ZNF292: variants seen among roughly 807,000 people sequenced by gnomAD.
ZNF292 encodes 16 zinc-finger domain protein.
A neutral mutation model predicts 217.9 loss-of-function variants in ZNF292; 26 were observed. That is an observed-to-expected ratio of 0.12 (90% CI 0.09 to 0.17). The LOEUF is 0.17. Ranked by LOEUF, ZNF292 falls within the 10% of genes least tolerant of loss-of-function variation. The probability of loss-of-function intolerance (pLI) is 1.00; values close to 1 mark genes in which losing one functional copy is unlikely to be tolerated. For missense variants in ZNF292, 2,904 were observed against 3,175.2 expected (o/e 0.91, Z 2.05); for synonymous variants, 1,257 against 1,124.1 (o/e 1.12, Z -2.37).
At chr6:87,231,773 G>A (rs1451824269) in intron 4 of ZNF292, among the ~76,000 whole-genome samples, 1 of 152,264 alleles carries the variant, frequency 6.6e-6, no homozygotes, top group Middle Eastern at 3.4e-3. Context: ...TGATCTTTTA[G>A]AGTGTGTTGA....
intron 4 of ZNF292, chr6:87,222,663 G>T: frequency 5.8e-6 from 2 of 345,662 alleles, no homozygotes; most frequent in Non-Finnish European, 6.0e-6. Flanking sequence ...CATTAGTTTG[G>T]TACATTTGTC....
At chr6:87,162,539 T>C (rs1770782599) in intron 1 of ZNF292, among the ~76,000 whole-genome samples, 3 of 152,240 alleles carry the variant, frequency 2.0e-5, no homozygotes, top group Admixed American at 6.5e-5. Context: ...TTTAAACTTT[T>C]AGAAGTTTAG....
Position 87,255,148 on chromosome 6 carries a change from C to G in ZNF292, c.1519C>G (p.Leu507Val). The change falls in exon 8 of 8, where the codon CTT (leucine) becomes GTT (valine). Residue 507 changes from leucine to valine, a missense_variant. By Grantham distance (32) the Leu-to-Val change is conservative. Around this residue, in one of 15 missense-constraint regions of ZNF292, gnomAD observed 87 missense variants for 99.6 expected, o/e 0.87. Transcript: ENST00000369577. ...TGGTGGAGTTGGTGCTAATTCTGGC[C>G]TTCTTAAAGACATTGGTGATGAAAA... is the stretch of plus-strand genomic sequence containing the variant. ...LSGGVGANSG[L>V]LKDIGDEKQK... 1 of 1,613,642 alleles carries G rather than the reference C, an allele frequency of 6.2e-7. No homozygotes were observed. The highest frequency in any genetic ancestry group is 1.3e-5 in the African/African-American group (1 of 74,994).
Position 87,233,478 on chromosome 6 carries a change from A to C in ZNF292, c.692A>C (p.Tyr231Ser). ...IGIKGSFKQT[Y>S]LVCLCTSSPN... Reference sequence around the variant, plus strand: ...ATAAAAGGTAGTTTTAAGCAAACTTACCTTGTCTGTCTTTGTACATCATCA... The same window carrying C: ...ATAAAAGGTAGTTTTAAGCAAACTTCCCTTGTCTGTCTTTGTACATCATCA... The change falls in exon 5 of 8, where the codon TAC becomes TCC. Residue 231 changes from tyrosine (Y) to serine (S), a missense_variant. Transcript: ENST00000369577. 1 of 1,613,504 alleles carries C rather than the reference A, an allele frequency of 6.2e-7. No individual in the cohort carries two copies. Among genetic ancestry groups the C allele is most frequent in the Non-Finnish European group, 8.5e-7 (1 of 1,179,674 alleles).
chr6:87,180,498 A>C (rs544925001), intron 1 of ZNF292, among the ~76,000 whole-genome samples: 2 of 152,306 alleles, frequency 1.3e-5, no homozygotes, highest in South Asian at 2.1e-4. Context: ...TAGTTTTCCC[A>C]GCATGAGGCT....
In ZNF292 at chr6:87,254,658, G is replaced by A. The variant is rs767080685; in HGVS notation, c.1029G>A (p.Gly343=). The change falls in exon 8 of 8, where the codon GGG becomes GGA. Residue 343 remains glycine, a synonymous_variant. Transcript: ENST00000369577. The part of the protein sequence containing the change: ...LIKVINSETE[G]AGLATCIELC... ...TATTTGCTTTTTCACAGACTGAAGG[G>A]GCTGGACTTGCTACCTGTATAGAAC... The A allele has an allele frequency of 4.4e-6, 7 of 1,603,798 alleles. No homozygotes were observed. The highest frequency in any genetic ancestry group is 2.7e-5 in the African/African-American group (2 of 74,672).
intron 1 of ZNF292, among the ~76,000 whole-genome samples, chr6:87,183,803 A>T (rs548402927): frequency 6.6e-6 from 1 of 152,194 alleles, no homozygotes; most frequent in Non-Finnish European, 1.5e-5. Context: ...GTGTAAATAC[A>T]TATCACTATG....
chr6:87,235,855 C>A (rs1163022794), intron 5 of ZNF292, among the ~76,000 whole-genome samples: 1 of 152,104 alleles, frequency 6.6e-6, no homozygotes, highest in Non-Finnish European at 1.5e-5. Context: ...AAAACTAGAT[C>A]ATATAGTGCA....
At position 87,256,402 on chromosome 6, in the gene ZNF292, G is replaced by T; in HGVS notation, c.2773G>T (p.Ala925Ser). The T allele has an allele frequency of 6.2e-7, 1 of 1,607,752 alleles. No homozygotes were observed. Residue 925 changes from alanine to serine, a missense_variant, in exon 8 of 8, where the codon GCT (alanine) becomes TCT (serine). By Grantham distance (99) the Ala-to-Ser change is moderately conservative. This residue lies in a region of ZNF292 where 687 missense variants were observed against 623.0 expected (regional missense o/e 1.10). Transcript: ENST00000369577. ...ATTGTCAAATGGTTTGGAAAACCCT[G>T]CTACTACTCCTCTACTTCAATCCAG... ...GPLSNGLENP[A>S]TTPLLQSSEV...
chr6:87,181,320 T>C (rs949046943), intron 1 of ZNF292, among the ~76,000 whole-genome samples: 2 of 152,048 alleles, frequency 1.3e-5, no homozygotes, highest in African/African-American at 4.8e-5. Flanking sequence ...GATATAATCT[T>C]CCCCTGGAGT....
At chr6:87,162,876 G>T (rs2127769514) in intron 1 of ZNF292, among the ~76,000 whole-genome samples, 1 of 152,272 alleles carries the variant, frequency 6.6e-6, no homozygotes, top group Middle Eastern at 3.4e-3. Flanking sequence ...GATAAATTCA[G>T]TTTATAAAAT....
chr6:87,164,757 G>T (rs1383750982), intron 1 of ZNF292, among the ~76,000 whole-genome samples: 1 of 131,138 alleles, frequency 7.6e-6, no homozygotes, highest in East Asian at 2.2e-4. Flanking sequence ...TTTGTGGAAT[G>T]ACCTCTTTTT....
chr6:87,196,970 T>A (rs962100847), intron 1 of ZNF292, among the ~76,000 whole-genome samples: 1 of 152,204 alleles, frequency 6.6e-6, no homozygotes, highest in African/African-American at 2.4e-5. Context: ...AAGGTAAATT[T>A]CTGTAATATA....
chr6:87,210,023 C>T (rs1562141881), intron 1 of ZNF292, among the ~76,000 whole-genome samples: 2 of 152,102 alleles, frequency 1.3e-5, no homozygotes, highest in African/African-American at 4.8e-5. Flanking sequence ...AATTTAATCC[C>T]CATGTTTATT....
intron 5 of ZNF292, among the ~76,000 whole-genome samples, chr6:87,234,558 C>CAA (rs1038739720): frequency 8.4e-6 from 1 of 118,380 alleles, no homozygotes; most frequent in African/African-American, 3.2e-5. Flanking sequence ...GACTCTGTCG[C>CAA]AAAAAAAAAA....
chr6:87,223,258 A>G (rs943177058), intron 4 of ZNF292: 1 of 152,860 alleles, frequency 6.5e-6, no homozygotes, highest in Non-Finnish European at 1.5e-5. Flanking sequence ...ACTTCTTTGT[A>G]TTTTTTGGTA....
intron 6 of ZNF292, among the ~76,000 whole-genome samples, chr6:87,244,172 G>T (rs910330137): frequency 6.6e-6 from 1 of 152,152 alleles, no homozygotes. Context: ...CAACATTTAA[G>T]AATATTTACC....
chr6:87,255,402 T>C lies in ZNF292; in HGVS notation c.1773T>C (p.His591=). ...CTTTTGTCCCTCATGTCACACTGCA[T>C]GTTAAACAATCTAGTAAAGAGAGAC... The part of the protein sequence containing the change: ...KETFVPHVTL[H]VKQSSKERLA... The change falls in exon 8 of 8, where the codon CAT becomes CAC. Residue 591 remains histidine, a synonymous_variant. Transcript: ENST00000369577. 2 of 1,613,804 alleles carry C rather than the reference T, an allele frequency of 1.2e-6. No homozygotes were observed. Among genetic ancestry groups the C allele is most frequent in the Non-Finnish European group, 1.7e-6 (2 of 1,179,826 alleles).
At chr6:87,164,839 TG>T (rs35189574) in intron 1 of ZNF292, among the ~76,000 whole-genome samples, 94,207 of 149,022 alleles carry the variant, frequency 0.63, 31,430 homozygotes, top group African/African-American at 0.85. Context: ...CTCGACTCAC[TG>T]GCAACCTCTG....
Sources: allele counts gnomAD v4.1 joint callset (sites outside exome capture counted in the v4.1 genomes callset), GRCh38; gene constraint gnomAD v4.1.1; regional missense constraint gnomAD v4.1.1; transcripts MANE v1.5; gene names NCBI Gene and HGNC (gene_info 2026-07-23, HGNC 2026-07-21).